NCOA2: variants seen among roughly 807,000 people sequenced by gnomAD.
NCOA2 encodes class E basic helix-loop-helix protein 75.
A neutral mutation model predicts 145.1 loss-of-function variants in NCOA2; 21 were observed. The ratio of observed to expected loss-of-function variants is 0.14; its 90% CI spans 0.10 to 0.21. NCOA2 has a LOEUF of 0.21. NCOA2 is among the 10% of genes least tolerant of loss of function. The pLI is 1.00. For missense variants in NCOA2, 1,472 were observed against 1,837.6 expected, an observed-to-expected ratio of 0.80 and a Z score of 3.64; for synonymous variants, 619 against 637.5, an observed-to-expected ratio of 0.97 and a Z score of 0.44.
chr8:70,114,596 C>T (rs1806878357), intron 22 of NCOA2, among the ~76,000 whole-genome samples: 1 of 152,200 alleles, frequency 6.6e-6, no homozygotes, highest in East Asian at 1.9e-4. Flanking sequence ...AATTGCCCGA[C>T]TAGGCAAGGC....
chr8:70,374,987 GA>G (rs200819663), intron 1 of NCOA2, among the ~76,000 whole-genome samples: 3,921 of 151,476 alleles, frequency 0.026, 181 homozygotes, highest in African/African-American at 0.09. Flanking sequence ...AACTTAAGTA[GA>G]AAAAAAGTTC....
intron 13 of NCOA2, among the ~76,000 whole-genome samples, chr8:70,143,159 G>A (rs1472695937): frequency 1.3e-5 from 2 of 151,926 alleles, no homozygotes; most frequent in East Asian, 1.9e-4. Flanking sequence ...CATGTTGGTC[G>A]GGATGGTCTC....
chr8:70,289,523 C>G (rs1209039440), intron 2 of NCOA2, among the ~76,000 whole-genome samples: 1 of 152,124 alleles, frequency 6.6e-6, no homozygotes, highest in South Asian at 2.1e-4. Flanking sequence ...TAAAACCATG[C>G]TGGGGTTCTG....
At chr8:70,370,698 T>C (rs1811137333) in intron 1 of NCOA2, among the ~76,000 whole-genome samples, 1 of 152,074 alleles carries the variant, frequency 6.6e-6, no homozygotes, top group South Asian at 2.1e-4. Context: ...GTACGTTATT[T>C]ATTCCTTATT....
At chr8:70,235,304 A>G (rs1027751796) in intron 2 of NCOA2, among the ~76,000 whole-genome samples, 1 of 152,152 alleles carries the variant, frequency 6.6e-6, no homozygotes, top group Non-Finnish European at 1.5e-5. Context: ...GAGGGAATGG[A>G]GTTATTAATG....
chr8:70,321,672 T>C (rs2136167368), intron 1 of NCOA2, among the ~76,000 whole-genome samples: 1 of 152,234 alleles, frequency 6.6e-6, no homozygotes, highest in African/African-American at 2.4e-5. Flanking sequence ...ACAGCATTCT[T>C]TCCTATGAGG....
chr8:70,395,385 G>T (rs928095485), intron 1 of NCOA2, among the ~76,000 whole-genome samples: 1 of 152,110 alleles, frequency 6.6e-6, no homozygotes, highest in Non-Finnish European at 1.5e-5. Context: ...CAGCAGAACC[G>T]CCTCAAGCAC....
At chr8:70,120,445 G>A (rs1365012880) in intron 22 of NCOA2, among the ~76,000 whole-genome samples, 1 of 152,202 alleles carries the variant, frequency 6.6e-6, no homozygotes, top group Non-Finnish European at 1.5e-5. Context: ...AATAGGCCAG[G>A]TGTGGTGGTT....
At chr8:70,133,897 C>G (rs1809443070) in intron 15 of NCOA2, among the ~76,000 whole-genome samples, 1 of 152,228 alleles carries the variant, frequency 6.6e-6, no homozygotes, top group African/African-American at 2.4e-5. Context: ...ATTCTCTCCA[C>G]TCACCTCTAG....
intron 4 of NCOA2, among the ~76,000 whole-genome samples, chr8:70,191,470 A>T (rs954946163): frequency 6.6e-6 from 1 of 152,172 alleles, no homozygotes; most frequent in Non-Finnish European, 1.5e-5. Flanking sequence ...TAGTCCCCCC[A>T]CTTAGAATAT....
chr8:70,451,217 C>CAAAA, the NCOA2 span, among the ~76,000 whole-genome samples: 2,517 of 65,250 alleles, frequency 0.039, 86 homozygotes, highest in Non-Finnish European at 0.045. Flanking sequence ...GACTCCGTCT[C>CAAAA]AAAAAAAAAA....
intron 1 of NCOA2, among the ~76,000 whole-genome samples, chr8:70,319,860 T>G (rs1805903652): frequency 6.6e-6 from 1 of 152,156 alleles, no homozygotes; most frequent in African/African-American, 2.4e-5. Context: ...AATAAATTGC[T>G]TGATACATGT....
In NCOA2 at chr8:70,156,893, C is replaced by A. The variant is rs757931284; in HGVS notation, c.1472G>T (p.Arg491Leu). 2 of 1,613,990 alleles carry A rather than the reference C, an allele frequency of 1.2e-6. No homozygotes were observed. Among genetic ancestry groups the A allele is most frequent in the Non-Finnish European group, 1.7e-6 (2 of 1,179,872 alleles). Residue 491 changes from arginine to leucine, a missense_variant, in exon 11 of 23, where the codon CGC (arginine) becomes CTC (leucine). By Grantham distance (102) the Arg-to-Leu change is moderately radical. Transcript: ENST00000452400. ...GCTGCCAGCCACTCCAGGGCTCATGCGATGCCTTGGTGAAAGCATGGAGGT... is the reference window on the plus strand; with the variant it reads ...GCTGCCAGCCACTCCAGGGCTCATGAGATGCCTTGGTGAAAGCATGGAGGT... Reference protein sequence around the residue: ...QPTSMLSPRHRMSPGVAGSPR... With the variant: ...QPTSMLSPRHLMSPGVAGSPR...
chr8:70,335,122 CAAAAAAAAAAAAAAAAA>C (rs59460365), intron 1 of NCOA2, among the ~76,000 whole-genome samples: 8 of 29,446 alleles, frequency 2.7e-4, no homozygotes, highest in African/African-American at 4.1e-4. Context: ...GACTCCATCT[CAAAAAAAAAAAAAAAAA>C]AAAAAAAAAA....
At chr8:70,160,686 A>AGAGAGAGAGAGAGAGAGG (rs1563547227) in intron 9 of NCOA2, among the ~76,000 whole-genome samples, 2 of 147,790 alleles carry the variant, frequency 1.4e-5, no homozygotes, top group African/African-American at 5.3e-5. Context: ...AGAGAGGGAG[A>AGAGAGAGAGAGAGAGAGG]GAGAGAGAGA....
At chr8:70,220,707 T>C (rs1820062113) in intron 2 of NCOA2, among the ~76,000 whole-genome samples, 1 of 152,208 alleles carries the variant, frequency 6.6e-6, no homozygotes, top group African/African-American at 2.4e-5. Context: ...ATATAATTTA[T>C]AAGGTAACAA....
chr8:70,322,668 G>A (rs563483658), intron 1 of NCOA2, among the ~76,000 whole-genome samples: 46 of 152,054 alleles, frequency 3.0e-4, no homozygotes, highest in Admixed American at 2.7e-3. Flanking sequence ...AACCTCCCTC[G>A]GCCTTAGTTT....
At chr8:70,395,747 C>T (rs988256508) in intron 1 of NCOA2, among the ~76,000 whole-genome samples, 3 of 152,098 alleles carry the variant, frequency 2.0e-5, no homozygotes, top group South Asian at 2.1e-4. Flanking sequence ...CTCATTTAGA[C>T]GGGGACTTCA....
Position 70,140,593 on chromosome 8 carries a change from GTTTT to G in NCOA2, c.3028+587_3028+590del, listed in dbSNP as rs71558582. Among the ~76,000 whole-genome samples the G allele has an allele frequency of 1.3e-4, 10 of 79,786 alleles. No homozygotes were observed. In the East Asian group the frequency reaches 1.4e-3, roughly 11 times the overall value. The allele number at this position is 79,786 out of a possible 152,430, so 52.3% of individuals were successfully genotyped here. On this transcript the variant is annotated intron_variant, in intron 14 of 22. Transcript: ENST00000452400. The stretch of plus-strand genomic sequence containing the variant: ...TAGAAACTACTGCTGTACCACCTAA[GTTTT>G]TTTTTTTTTTTTTTTTTTTTGAGAC...
Sources: gnomAD v4.1 joint callset for allele counts (sites outside exome capture counted in the v4.1 genomes callset) on GRCh38, gnomAD v4.1.1 for gene constraint, MANE v1.5 for transcripts, NCBI Gene and HGNC (gene_info 2026-07-23, HGNC 2026-07-21) for gene names.